STK17B: variants seen among roughly 807,000 people sequenced by gnomAD.
STK17B encodes serine/threonine-protein kinase 17B.
Under a neutral mutation model 42.0 loss-of-function variants are expected in STK17B, and 21 were observed. The observed-to-expected ratio is 0.50, with a 90% CI of 0.35 to 0.72. The LOEUF is 0.72. Among genes scored for constraint, STK17B ranks in the 30% least tolerant of loss-of-function variants. The pLI, the probability that STK17B is intolerant of heterozygous loss-of-function variation, is 0.00. For synonymous variants in STK17B, 143 were observed against 148.4 expected (o/e 0.96, Z 0.26); for missense variants, 349 against 446.0 (o/e 0.78, Z 1.96).
chr2:196,146,905 G>A (rs1171111059), intron 3 of STK17B, among the ~76,000 whole-genome samples: 1 of 151,922 alleles, frequency 6.6e-6, no homozygotes, highest in Non-Finnish European at 1.5e-5. Context: ...CTTGGGGCCA[G>A]AACACAAATA....
At chr2:196,173,060 G>A (rs1699966914), upstream of STK17B, among the ~76,000 whole-genome samples, 1 of 152,024 alleles carries the variant, frequency 6.6e-6, no homozygotes, top group Admixed American at 6.6e-5. Flanking sequence ...CCAGCTTTTA[G>A]CAATCTTCTC....
At chr2:196,149,718 G>A (rs370646231) in intron 3 of STK17B, among the ~76,000 whole-genome samples, 1 of 152,000 alleles carries the variant, frequency 6.6e-6, no homozygotes, top group Non-Finnish European at 1.5e-5. Context: ...AAGTACATAC[G>A]CACAGACCAA....
chr2:196,139,534 TTTC>T (rs1264782540), intron 7 of STK17B, 83 bp downstream of exon 7: 21 of 864,750 alleles, frequency 2.4e-5, no homozygotes, highest in Admixed American at 1.7e-4. Context: ...TAGAATATAC[TTTC>T]TTAATAGGTA....
At chr2:196,138,913 C>G (rs1238124438) in intron 7 of STK17B, among the ~76,000 whole-genome samples, 9 of 151,322 alleles carry the variant, frequency 5.9e-5, no homozygotes, top group Admixed American at 5.9e-4. Flanking sequence ...GGCATCCAAT[C>G]CTTCAAGATT....
rs182540951 is a variant in STK17B at position 196,154,818 on chromosome 2, C to T, written c.335+1621G>A. 7.3e-4 allele frequency: 111 copies of T among 152,268 alleles called. 1 individual carries two copies. The highest frequency in any genetic ancestry group is 2.5e-3 in the African/African-American group (102 of 41,544). 9.4% of individuals were successfully genotyped at this position (152,268 alleles called of 1,614,324 possible). A position where few individuals can be genotyped will look rare whatever the true frequency, so the allele number is the denominator to read the frequency against. ...AAAGCGGAAGGCATAGTAATTAAGC[C>T]GAAGTTCTAGCAATAAATTTTAGTG... On this transcript the variant is annotated intron_variant, in intron 3 of 7. Coordinates refer to ENST00000263955, the MANE Select transcript of STK17B (RefSeq NM_004226.4).
upstream of STK17B, among the ~76,000 whole-genome samples, chr2:196,173,722 G>A (rs768066492): frequency 6.6e-6 from 1 of 152,278 alleles, no homozygotes; most frequent in East Asian, 1.9e-4. Context: ...TGGTCATTCT[G>A]TGGTCATTGC....
chr2:196,166,572 A>G (rs1397893903), intron 1 of STK17B, among the ~76,000 whole-genome samples: 1 of 152,262 alleles, frequency 6.6e-6, no homozygotes, highest in Non-Finnish European at 1.5e-5. Context: ...AATAGAAGGT[A>G]AGACACAATT....
intron 3 of STK17B, among the ~76,000 whole-genome samples, chr2:196,152,206 A>G (rs1699674740): frequency 6.6e-6 from 1 of 151,728 alleles, no homozygotes. Context: ...TCCCAGGTTC[A>G]AGCAATTCTC....
chr2:196,147,114 G>A (rs1331464112), intron 3 of STK17B, among the ~76,000 whole-genome samples: 1 of 151,928 alleles, frequency 6.6e-6, no homozygotes, highest in Non-Finnish European at 1.5e-5. Context: ...TTTTAGGAGG[G>A]ATTAAATCTA....
chr2:196,153,551 G>A (rs1699696488), intron 3 of STK17B: 1 of 151,578 alleles, frequency 6.6e-6, no homozygotes, highest in Non-Finnish European at 1.5e-5. Flanking sequence ...TCCGTTAAAA[G>A]TGAGCATGTC....
In STK17B at chr2:196,137,333, A is replaced by C; in HGVS notation, c.*114T>G. The C allele has an allele frequency of 8.6e-7, 1 of 1,162,796 alleles. No individual in the cohort carries two copies. Among genetic ancestry groups the C allele is most frequent in the Non-Finnish European group, 1.2e-6 (1 of 844,382 alleles). 72.0% of individuals were successfully genotyped at this position (1,162,796 alleles called of 1,614,324 possible). A position where few individuals can be genotyped will look rare whatever the true frequency, so the allele number is the denominator to read the frequency against. On this transcript the variant is annotated 3_prime_UTR_variant, in exon 8 of 8. Transcript: ENST00000263955. ...TTAAAACACTTCCCTAAATTATTCC[A>C]TGGAAAAGTGCATTTACAATATAAA...
rs1204366581 is a variant in STK17B, at chr2:196,136,103, T to C, written c.*1344A>G. ...AAAGGTCTAAAGGGGGAACATCAGG[T>C]TGTTGTTACCATTTGTCAAACTATT... is the stretch of plus-strand genomic sequence containing the variant. On this transcript the variant is annotated 3_prime_UTR_variant, in exon 8 of 8. Coordinates refer to ENST00000263955, the MANE Select transcript of STK17B (RefSeq NM_004226.4). 6.6e-6 allele frequency: 1 copy of C among 152,206 alleles called. No individual in the cohort carries two copies. Among genetic ancestry groups the C allele is most frequent in the African/African-American group, 2.4e-5 (1 of 41,458 alleles). The allele number at this position is 152,206 out of a possible 1,614,324, so 9.4% of individuals were successfully genotyped here.
intron 2 of STK17B, among the ~76,000 whole-genome samples, chr2:196,158,263 G>A (rs1441217246): frequency 1.3e-5 from 2 of 152,038 alleles, no homozygotes; most frequent in East Asian, 3.9e-4. Flanking sequence ...CTAGCTATTC[G>A]CAAAGGCCAA....
chr2:196,162,866 A>G (rs1420741628), intron 2 of STK17B, among the ~76,000 whole-genome samples: 1 of 151,948 alleles, frequency 6.6e-6, no homozygotes, highest in Non-Finnish European at 1.5e-5. Flanking sequence ...CTCCAGCTTG[A>G]GCAACAGAGT....
chr2:196,158,955 G>A (rs2105705260), intron 2 of STK17B, among the ~76,000 whole-genome samples: 1 of 149,672 alleles, frequency 6.7e-6, no homozygotes, highest in South Asian at 2.1e-4. Flanking sequence ...AGGTTGCAGT[G>A]AGCTGAGACC....
At chr2:196,155,584 CT>C (rs1428893491) in intron 3 of STK17B, among the ~76,000 whole-genome samples, 1 of 152,080 alleles carries the variant, frequency 6.6e-6, no homozygotes, top group East Asian at 1.9e-4. Flanking sequence ...AAAATAAACA[CT>C]TATCTCTTCT....
chr2:196,154,344 T>G (rs1699710938), intron 3 of STK17B: 2 of 152,192 alleles, frequency 1.3e-5, no homozygotes, highest in Non-Finnish European at 2.9e-5. Flanking sequence ...TGAGGAGAGC[T>G]AGAAGACTAC....
At position 196,136,237 on chromosome 2, in the gene STK17B, T is replaced by C. The variant is rs1699402812; in HGVS notation, c.*1210A>G. ...TCATAAAAGATTACCCGAAAAGGAC[T>C]AACTTTCCCCATCATTAGGGCTGGA... On this transcript the variant is annotated 3_prime_UTR_variant, in exon 8 of 8. Coordinates refer to ENST00000263955, the MANE Select transcript of STK17B (RefSeq NM_004226.4). The C allele has an allele frequency of 6.6e-6, 1 of 152,188 alleles. No individual in the cohort carries two copies. The highest frequency in any genetic ancestry group is 6.5e-5 in the Admixed American group (1 of 15,270). 9.4% of individuals were successfully genotyped at this position (152,188 alleles called of 1,614,324 possible). A position where few individuals can be genotyped will look rare whatever the true frequency, so the allele number is the denominator to read the frequency against.
rs12619589 is a variant in STK17B at position 196,145,856 on chromosome 2, C to A, written c.480+55G>T. ...TAATACCAGTTTGCAACTGTGCATA[C>A]TAAGAGCAGAAGAAGAACACAGATG... On this transcript the variant is annotated intron_variant, in intron 4 of 7. Coordinates refer to ENST00000263955, the MANE Select transcript of STK17B (RefSeq NM_004226.4). The A allele has an allele frequency of 5.1e-3, 7,583 of 1,500,044 alleles. 170 individuals are homozygous for A. In the East Asian group the frequency reaches 0.061, roughly 12 times the overall value. The allele number at this position is 1,500,044 out of a possible 1,614,324, so 92.9% of individuals were successfully genotyped here.
Sources: allele counts gnomAD v4.1 joint callset (sites outside exome capture counted in the v4.1 genomes callset), GRCh38; gene constraint gnomAD v4.1.1; transcripts MANE v1.5; gene names NCBI Gene and HGNC (gene_info 2026-07-23, HGNC 2026-07-21).